Variants in DST observed in about 807,000 individuals in gnomAD.
DST encodes dystonin.
Under a neutral mutation model 875.2 loss-of-function variants are expected in DST, and 253 were observed. The observed-to-expected ratio is 0.29, with a 90% CI of 0.26 to 0.32. DST has a LOEUF of 0.32. Among genes scored for constraint, DST ranks in the 10% least tolerant of loss-of-function variants. The pLI is 1.00. For missense variants in DST, 8,287 were observed against 9,111.6 expected (o/e 0.91, Z 3.68); for synonymous variants, 3,124 against 3,197.1 (o/e 0.98, Z 0.77).
At chr6:56,939,566 C>G (rs910541160) in intron 2 of DST, among the ~76,000 whole-genome samples, 3 of 152,078 alleles carry the variant, frequency 2.0e-5, no homozygotes, top group Admixed American at 2.0e-4. Context: ...AAATTACTTA[C>G]ATAAAGATTA....
chr6:56,941,245 C>A (rs1816382494), intron 2 of DST, among the ~76,000 whole-genome samples: 1 of 152,078 alleles, frequency 6.6e-6, no homozygotes, highest in Admixed American at 6.6e-5. Flanking sequence ...ACTGTGTTTT[C>A]ATTATCATTT....
At chr6:56,643,034 T>C in intron 15 of DST, 5 of 793,594 alleles carry the variant, frequency 6.3e-6, no homozygotes, top group Non-Finnish European at 9.3e-6. Flanking sequence ...GTAGCTTGTA[T>C]TAAAACCCTA....
At chr6:56,521,647 G>A (rs368919312) in intron 69 of DST, among the ~76,000 whole-genome samples, 4,320 of 142,330 alleles carry the variant, frequency 0.03, 227 homozygotes, top group African/African-American at 0.1. Flanking sequence ...GATATTTCCC[G>A]CCTGTCATCT....
intron 4 of DST, among the ~76,000 whole-genome samples, chr6:56,822,671 T>C (rs77848997): frequency 0.023 from 3,549 of 152,070 alleles, 124 homozygotes; most frequent in African/African-American, 0.077. Context: ...AATGATAGAA[T>C]AGGTAACATT....
At chr6:56,843,217 C>A in intron 4 of DST, 2 of 1,382,832 alleles carry the variant, frequency 1.4e-6, no homozygotes, top group South Asian at 1.9e-5. Context: ...GTATCGCAGT[C>A]AGCAAGACAC....
chr6:56,685,027 T>A (rs1201764062), intron 9 of DST, among the ~76,000 whole-genome samples: 1 of 115,570 alleles, frequency 8.7e-6, no homozygotes, highest in African/African-American at 3.4e-5. Flanking sequence ...GATTTGCCTC[T>A]GGCATTATGT....
At chr6:56,765,564 T>C (rs980767041) in intron 4 of DST, among the ~76,000 whole-genome samples, 3 of 152,140 alleles carry the variant, frequency 2.0e-5, no homozygotes, top group Non-Finnish European at 4.4e-5. Flanking sequence ...AGAGGTGAGA[T>C]ATGCAAGAGA....
chr6:56,464,246 A>G (rs1035094267), intron 100 of DST: 41 of 265,094 alleles, frequency 1.5e-4, no homozygotes, highest in Middle Eastern at 1.2e-3. Flanking sequence ...ACACACAATG[A>G]TTGATGGCTT....
intron 4 of DST, among the ~76,000 whole-genome samples, chr6:56,779,895 T>C (rs1294034561): frequency 8.6e-5 from 10 of 115,958 alleles, no homozygotes; most frequent in Admixed American, 7.5e-4. Flanking sequence ...CCCATAACAT[T>C]CCCCAGAGTG....
At chr6:56,929,760 AT>A (rs1442583662) in intron 2 of DST, among the ~76,000 whole-genome samples, 2 of 152,222 alleles carry the variant, frequency 1.3e-5, no homozygotes, top group African/African-American at 4.8e-5. Flanking sequence ...TACAAAACAT[AT>A]ATAAAATGTT....
chr6:56,897,943 AC>A (rs1157160814), intron 3 of DST, among the ~76,000 whole-genome samples: 1 of 152,074 alleles, frequency 6.6e-6, no homozygotes, highest in Non-Finnish European at 1.5e-5. Flanking sequence ...ATCAATTAAG[AC>A]CAATGCCCTC....
At chr6:56,594,620 A>G (rs1304354845) in intron 47 of DST, among the ~76,000 whole-genome samples, 1 of 152,216 alleles carries the variant, frequency 6.6e-6, no homozygotes, top group Non-Finnish European at 1.5e-5. Context: ...ATCCTGGAAA[A>G]ACTTTTAAAT....
At chr6:56,659,812 C>T (rs1446749851) in intron 10 of DST, among the ~76,000 whole-genome samples, 1 of 152,004 alleles carries the variant, frequency 6.6e-6, no homozygotes, top group African/African-American at 2.4e-5. Context: ...TAAGAAAGAT[C>T]TATTGAAGGA....
intron 4 of DST, among the ~76,000 whole-genome samples, chr6:56,790,540 C>T (rs116789625): frequency 1.3e-5 from 2 of 152,312 alleles, no homozygotes; most frequent in African/African-American, 4.8e-5. Context: ...TCTTCTCATT[C>T]ACAGCCCAGG....
At chr6:56,540,891 A>T (rs1486292246) in intron 61 of DST, 1 of 152,620 alleles carries the variant, frequency 6.6e-6, no homozygotes, top group Non-Finnish European at 1.5e-5. Context: ...ACAGAAAAAA[A>T]TGGTCTGTAT....
intron 2 of DST, among the ~76,000 whole-genome samples, chr6:56,942,709 T>C (rs1318452386): frequency 2.2e-3 from 21 of 9,718 alleles, no homozygotes; most frequent in Non-Finnish European, 3.7e-4. Context: ...CATTTCTCTT[T>C]TTTTTTTTTT....
chr6:56,517,698 A>G, intron 69 of DST, 78 bp from the exon 70 acceptor site: 1 of 1,481,686 alleles, frequency 6.7e-7, no homozygotes, highest in Non-Finnish European at 9.0e-7. Flanking sequence ...GTTCTTTGAA[A>G]TATCCTTATT....
At position 56,618,142 on chromosome 6, in the gene DST, G is replaced by A. The variant is rs146263203; in HGVS notation, c.4930-3658C>T. On this transcript the variant is annotated intron_variant, in intron 36 of 103. Transcript: ENST00000680361. The stretch of plus-strand genomic sequence containing the variant: ...TCTCATCAAAAGTTATCTGTAACTC[G>A]GTGCTTGTCTGAGAAAAGTACTCAG... 1,528 of 1,614,032 alleles carry A rather than the reference G, an allele frequency of 9.5e-4. 2 individuals carry two copies. The highest frequency in any genetic ancestry group is 1.4e-3 in the South Asian group (132 of 91,050).
At chr6:56,677,971 C>G (rs1045684787) in intron 9 of DST, among the ~76,000 whole-genome samples, 12 of 152,186 alleles carry the variant, frequency 7.9e-5, no homozygotes, top group African/African-American at 2.9e-4. Flanking sequence ...TAAAATTCAG[C>G]CAAGTCCCAG....
Sources: gnomAD v4.1 joint callset for allele counts (sites outside exome capture counted in the v4.1 genomes callset) on GRCh38, gnomAD v4.1.1 for gene constraint, MANE v1.5 for transcripts, NCBI Gene and HGNC (gene_info 2026-07-23, HGNC 2026-07-21) for gene names.